GRAP2: variants seen among roughly 807,000 people sequenced by gnomAD.
The protein encoded by GRAP2 is GRB2-related adapter protein 2.
Under a neutral mutation model 43.5 loss-of-function variants are expected in GRAP2, and 31 were observed. That is an observed-to-expected ratio of 0.71 (90% CI 0.54 to 0.96). The LOEUF (loss-of-function observed/expected upper bound fraction) is 0.96. GRAP2 is among the 40% of genes least tolerant of loss of function. The pLI, the probability that GRAP2 is intolerant of heterozygous loss-of-function variation, is 0.00. For missense variants in GRAP2, 371 were observed against 424.4 expected (o/e 0.87, Z 1.11); for synonymous variants, 156 against 164.8 (o/e 0.95, Z 0.41).
the GRAP2 span, among the ~76,000 whole-genome samples, chr22:39,894,648 G>A: frequency 6.6e-6 from 1 of 152,208 alleles, no homozygotes; most frequent in Non-Finnish European, 1.5e-5. Flanking sequence ...TGATGGGGTA[G>A]CTCCAGTGAC....
At chr22:39,919,551 T>C (rs185869788) in intron 1 of GRAP2, among the ~76,000 whole-genome samples, 4 of 152,336 alleles carry the variant, frequency 2.6e-5, no homozygotes, top group Admixed American at 2.6e-4. Flanking sequence ...CATCTCCATT[T>C]CCATCTATTC....
At chr22:39,927,637 C>T (rs2066717859) in intron 1 of GRAP2, among the ~76,000 whole-genome samples, 1 of 152,130 alleles carries the variant, frequency 6.6e-6, no homozygotes, top group Admixed American at 6.5e-5. Context: ...AACCTTGGTC[C>T]ATCCAGGCCC....
intron 1 of GRAP2, among the ~76,000 whole-genome samples, chr22:39,915,557 C>T (rs1301538077): frequency 6.6e-6 from 1 of 152,180 alleles, no homozygotes; most frequent in South Asian, 2.1e-4. Flanking sequence ...GACTTTATTC[C>T]AGCTTCTGCT....
At chr22:39,920,937 TACACAGACAC>T (rs146575963) in intron 1 of GRAP2, among the ~76,000 whole-genome samples, 2 of 114,922 alleles carry the variant, frequency 1.7e-5, no homozygotes, top group African/African-American at 7.3e-5. Context: ...TTAACTTCTC[TACACAGACAC>T]ACACACACAC....
intron 1 of GRAP2, among the ~76,000 whole-genome samples, chr22:39,929,027 T>C (rs963243594): frequency 2.0e-5 from 3 of 152,252 alleles, no homozygotes; most frequent in Non-Finnish European, 1.5e-5. Flanking sequence ...TGAACACACA[T>C]AAAGCTCTTG....
Position 39,920,253 on chromosome 22 carries a change from G to A in GRAP2, c.-15+18923G>A, listed in dbSNP as rs998243630. On this transcript the variant is annotated intron_variant, in intron 1 of 7. Transcript: ENST00000344138. ...GACACACACTGTCCAGCATATTCTT[G>A]CAGAGTCATATCTTACCCCACATCT... Among the ~76,000 whole-genome samples the A allele has an allele frequency of 3.3e-5, 5 of 152,292 alleles. No individual in the cohort carries two copies. In the South Asian group the frequency reaches 1.0e-3, roughly 32 times the overall value.
chr22:39,925,295 TCATA>T (rs1221546150), intron 1 of GRAP2, among the ~76,000 whole-genome samples: 1 of 152,178 alleles, frequency 6.6e-6, no homozygotes, highest in Non-Finnish European at 1.5e-5. Flanking sequence ...GATGTCTCCA[TCATA>T]CATTACATTC....
upstream of GRAP2, among the ~76,000 whole-genome samples, chr22:39,900,261 C>T (rs79365573): frequency 7.1e-4 from 108 of 152,334 alleles, no homozygotes; most frequent in African/African-American, 2.6e-3. Context: ...CCTTGACACT[C>T]TCCTCTTGGT....
intron 1 of GRAP2, among the ~76,000 whole-genome samples, chr22:39,916,125 T>C (rs1485845657): frequency 6.6e-6 from 1 of 152,222 alleles, no homozygotes; most frequent in Non-Finnish European, 1.5e-5. Context: ...TCTCTTTCTC[T>C]CCAGCACTCA....
intron 4 of GRAP2, chr22:39,964,322 C>T: frequency 1.4e-6 from 1 of 693,042 alleles, no homozygotes; most frequent in Non-Finnish European, 2.6e-6. Context: ...AGGTGCTGAT[C>T]TAAAAGAAGT....
intron 1 of GRAP2, 79 bp from the exon 2 acceptor site, chr22:39,947,014 T>C (rs1201418030): frequency 9.5e-6 from 8 of 841,208 alleles, no homozygotes. Flanking sequence ...TAGGAACTGC[T>C]GATTACCAGG....
At chr22:39,905,415 G>A (rs1370662516) in intron 1 of GRAP2, among the ~76,000 whole-genome samples, 1 of 152,088 alleles carries the variant, frequency 6.6e-6, no homozygotes, top group Non-Finnish European at 1.5e-5. Flanking sequence ...TGCTTGCTGT[G>A]GAGCCAAGAC....
intron 1 of GRAP2, among the ~76,000 whole-genome samples, chr22:39,942,281 G>A (rs1297040543): frequency 1.3e-5 from 2 of 152,076 alleles, no homozygotes; most frequent in Non-Finnish European, 2.9e-5. Flanking sequence ...TGGGGGAGGC[G>A]GCACTCTCCT....
intron 1 of GRAP2, among the ~76,000 whole-genome samples, chr22:39,946,425 G>A (rs2066923194): frequency 6.6e-6 from 1 of 152,132 alleles, no homozygotes. Flanking sequence ...CAAGAAGGGG[G>A]CCACTATTTT....
At chr22:39,939,681 A>G (rs1241101827) in intron 1 of GRAP2, among the ~76,000 whole-genome samples, 3 of 151,946 alleles carry the variant, frequency 2.0e-5, no homozygotes, top group Admixed American at 1.3e-4. Context: ...AGGCTGAGGC[A>G]GGTGATCATC....
At chr22:39,938,887 A>G (rs1030420384) in intron 1 of GRAP2, among the ~76,000 whole-genome samples, 2 of 152,214 alleles carry the variant, frequency 1.3e-5, no homozygotes, top group Non-Finnish European at 2.9e-5. Context: ...GACTTGCATC[A>G]GCAGCTCAGC....
chr22:39,926,511 A>G (rs2066700711), intron 1 of GRAP2: 3 of 721,994 alleles, frequency 4.2e-6, no homozygotes, highest in South Asian at 1.3e-4. Flanking sequence ...GGAAAAGAGC[A>G]AAAAAGCAAA....
At chr22:39,898,925 G>C (rs1412513454), upstream of GRAP2, among the ~76,000 whole-genome samples, 1 of 152,196 alleles carries the variant, frequency 6.6e-6, no homozygotes. Flanking sequence ...GTTTAAAAAA[G>C]AAACTTCTCC....
intron 2 of GRAP2, among the ~76,000 whole-genome samples, chr22:39,950,221 A>G (rs981833076): frequency 2.6e-5 from 4 of 151,976 alleles, no homozygotes; most frequent in African/African-American, 4.8e-5. Flanking sequence ...ACTCCCTACC[A>G]TCCCAGGGAA....
Sources: allele counts gnomAD v4.1 joint callset (sites outside exome capture counted in the v4.1 genomes callset), GRCh38; gene constraint gnomAD v4.1.1; transcripts MANE v1.5; gene names NCBI Gene and HGNC (gene_info 2026-07-23, HGNC 2026-07-21).